Variants in RIF1 observed in about 807,000 individuals in gnomAD.
RIF1 encodes the protein replication timing regulatory factor 1.
A neutral mutation model predicts 247.1 loss-of-function variants in RIF1; 45 were observed. That is an observed-to-expected ratio of 0.18 (90% confidence interval 0.14 to 0.23). RIF1 has a LOEUF of 0.23. Ranked by LOEUF, RIF1 falls within the 10% of genes least tolerant of loss-of-function variation. The pLI is 1.00. For synonymous variants in RIF1, 1,087 were observed against 978.8 expected (o/e 1.11, Z -2.06); for missense variants, 2,967 against 2,862.5 (o/e 1.04, Z -0.83).
At chr2:151,528,371 A>G in the RIF1 span, among the ~76,000 whole-genome samples, 1 of 152,212 alleles carries the variant, frequency 6.6e-6, no homozygotes, top group African/African-American at 2.4e-5. Flanking sequence ...TATACTATTT[A>G]ATAAGGTTTT....
the RIF1 span, chr2:151,526,907 T>C: frequency 2.6e-6 from 4 of 1,549,926 alleles, no homozygotes; most frequent in African/African-American, 4.1e-5. Flanking sequence ...TGGAAGGAAC[T>C]AGGTACTTAC....
At chr2:151,495,801 ATTC>A (rs2059793780) in intron 10 of RIF1, among the ~76,000 whole-genome samples, 1 of 152,226 alleles carries the variant, frequency 6.6e-6, no homozygotes, top group Non-Finnish European at 1.5e-5. Context: ...TTATATCATT[ATTC>A]TTGAAGGAGG....
chr2:151,523,258 T>C, the RIF1 span, among the ~76,000 whole-genome samples: 977 of 152,306 alleles, frequency 6.4e-3, 10 homozygotes, highest in Non-Finnish European at 8.4e-3. Context: ...ATATGTTACA[T>C]AGGAATTTTA....
In RIF1 at chr2:151,465,038, G is replaced by A. The variant is rs572149191; in HGVS notation, c.5518G>A (p.Asp1840Asn). Residue 1840 changes from aspartate (D) to asparagine (N), a missense_variant, in exon 30 of 36, where the codon GAT becomes AAT. Physicochemically the swap from Asp to Asn is conservative, Grantham distance 23. This residue lies in a region of RIF1 where 2,028 missense variants were observed against 1,825.6 expected (regional missense o/e 1.11). Transcript: ENST00000444746. ...GIVNFREEIC[D>N]MDSSEAMSLE... Reference sequence around the variant, plus strand: ...AGTAAACTTTAGAGAGGAAATTTGTGATATGGATTCTAGTGAAGCAATGTC... The same window carrying A: ...AGTAAACTTTAGAGAGGAAATTTGTAATATGGATTCTAGTGAAGCAATGTC... 1 of 1,582,260 alleles carries A rather than the reference G, an allele frequency of 6.3e-7. No homozygotes were observed. Among genetic ancestry groups the A allele is most frequent in the Non-Finnish European group, 8.5e-7 (1 of 1,171,490 alleles).
In RIF1 at chr2:151,441,967, G is replaced by T; in HGVS notation, c.1710G>T (p.Gln570His). ...AAGTATTAGGTTCACCAGCATATCA[G>T]GTTGCTAATATGGATATTCTTAATG... The part of the protein sequence containing the change: ...PQKVLGSPAY[Q>H]VANMDILNGT... The change falls in exon 16 of 36, where the codon CAG (glutamine) becomes CAT (histidine). Residue 570 changes from glutamine (Q) to histidine (H), a missense_variant. By Grantham distance (24) the Gln-to-His change is conservative. Transcript: ENST00000444746. 2.6e-6 allele frequency: 4 copies of T among 1,550,852 alleles called. No homozygotes were observed. Among genetic ancestry groups the T allele is most frequent in the African/African-American group, 2.8e-5 (2 of 72,582 alleles).
At chr2:151,473,266 C>G (rs1409612110) in intron 34 of RIF1, among the ~76,000 whole-genome samples, 1 of 149,916 alleles carries the variant, frequency 6.7e-6, no homozygotes. Context: ...TCCATACGTC[C>G]TAGGAACACT....
At chr2:151,502,361 T>C (rs959946793) in intron 11 of RIF1, among the ~76,000 whole-genome samples, 14 of 147,514 alleles carry the variant, frequency 9.5e-5, no homozygotes, top group African/African-American at 3.3e-4. Context: ...CCCAAACTTA[T>C]GGAAAAATAA....
chr2:151,493,319 T>C (rs2058002678), intron 9 of RIF1: 1 of 1,459,834 alleles, frequency 6.9e-7, no homozygotes. Flanking sequence ...TTTTCCAAGT[T>C]GTTGCACTAT....
Position 151,438,678 on chromosome 2 carries a change from T to G in RIF1, c.1484-6T>G, listed in dbSNP as rs761524415. On this transcript the variant is annotated splice_region_variant and splice_polypyrimidine_tract_variant and intron_variant, in intron 13 of 35. Transcript: ENST00000444746. ...TTAAAATACTCAAGTTTATTTTGTT[T>G]GACAGATGTGGTTGTCAGTGCTATC... 1 of 1,606,438 alleles carries G rather than the reference T, an allele frequency of 6.2e-7. No homozygotes were observed. Among genetic ancestry groups the G allele is most frequent in the Admixed American group, 1.7e-5 (1 of 60,012 alleles).
chr2:151,418,165 AAAT>A, intron 6 of RIF1, among the ~76,000 whole-genome samples: 1 of 152,196 alleles, frequency 6.6e-6, no homozygotes, highest in African/African-American at 2.4e-5. Flanking sequence ...AGGCTATACT[AAAT>A]CTATAAAAAC....
the RIF1 span, among the ~76,000 whole-genome samples, chr2:151,521,813 CA>C: frequency 1.3e-5 from 2 of 152,154 alleles, no homozygotes; most frequent in African/African-American, 4.8e-5. Context: ...TAAACAAATG[CA>C]GCTTTTTACA....
rs1696469585 is a variant in RIF1, at chr2:151,463,329, G to A, written c.3809G>A (p.Gly1270Glu). 1.1e-5 allele frequency: 18 copies of A among 1,613,672 alleles called. No homozygotes were observed. The East Asian group carries it at 3.3e-4, about 30-fold the overall frequency. Residue 1270 changes from glycine to glutamate, a missense_variant, in exon 30 of 36, where the codon GGG becomes GAG. Physicochemically the swap from Gly to Glu is moderately conservative, Grantham distance 98. Around this residue, in one of 7 missense-constraint regions of RIF1, gnomAD observed 2,028 missense variants for 1,825.6 expected, o/e 1.11. Coordinates refer to ENST00000444746, the MANE Select transcript of RIF1 (RefSeq NM_018151.5). ...DFLPKAKQRE[G>E]TFSKSDSEKI... is the part of the protein sequence containing the mutation. ...CTACCAAAAGCAAAGCAAAGAGAAG[G>A]GACTTTTTCAAAATCTGATTCTGAA...
Position 151,438,715 on chromosome 2 carries a change from A to T in RIF1, c.1515A>T (p.Leu505=). 6.2e-7 allele frequency: 1 copy of T among 1,613,038 alleles called. No homozygotes were observed. The highest frequency in any genetic ancestry group is 8.5e-7 in the Non-Finnish European group (1 of 1,179,062). ...TTGTCAGTGCTATCTGGAAGGAGCTAATTAGCTTGGTGAAGTCAGTTACTG... is the reference window on the plus strand; with the variant it reads ...TTGTCAGTGCTATCTGGAAGGAGCTTATTAGCTTGGTGAAGTCAGTTACTG... ...DVVVSAIWKE[L]ISLVKSVTES... is the part of the protein sequence containing the mutation. Residue 505 remains leucine, a synonymous_variant, in exon 14 of 36, where the codon CTA becomes CTT. Transcript: ENST00000444746.
chr2:151,464,654 A>G lies in RIF1; in HGVS notation c.5134A>G (p.Thr1712Ala). Reference protein sequence around the residue: ...ISDISSLSEKTFQTLECQHKR... With the variant: ...ISDISSLSEKAFQTLECQHKR... The stretch of plus-strand genomic sequence containing the variant: ...AGATATTTCTTCGCTTTCAGAAAAA[A>G]CTTTTCAAACACTTGAATGCCAACA... The change falls in exon 30 of 36, where the codon ACT becomes GCT. Residue 1712 changes from threonine to alanine, a missense_variant. Around this residue, in one of 7 missense-constraint regions of RIF1, gnomAD observed 2,028 missense variants for 1,825.6 expected, o/e 1.11. Transcript: ENST00000444746. The G allele has an allele frequency of 6.2e-7, 1 of 1,613,294 alleles. No homozygotes were observed. Among genetic ancestry groups the G allele is most frequent in the Non-Finnish European group, 8.5e-7 (1 of 1,179,578 alleles).
In RIF1 at chr2:151,469,785, C is replaced by G; in HGVS notation, c.7016C>G (p.Ser2339Cys). Residue 2339 changes from serine (S) to cysteine (C), a missense_variant, in exon 34 of 36, where the codon TCT becomes TGT. By Grantham distance (112) the Ser-to-Cys change is moderately radical. This residue lies in a region of RIF1 where 151 missense variants were observed against 163.4 expected (regional missense o/e 0.92). Transcript: ENST00000444746. ...TIGDLSTLTA[S>C]EIKTLPIRSP... ...GGTGATTTGAGTACTCTTACAGCAT[C>G]TGAAATAAAAACTCTTCCTATCCGT... The G allele has an allele frequency of 6.2e-7, 1 of 1,611,674 alleles. No homozygotes were observed. The highest frequency in any genetic ancestry group is 8.5e-7 in the Non-Finnish European group (1 of 1,178,322).
At chr2:151,467,674 G>T (rs2444273) in intron 30 of RIF1, among the ~76,000 whole-genome samples, 1 of 152,068 alleles carries the variant, frequency 6.6e-6, no homozygotes, top group African/African-American at 2.4e-5. Context: ...CTTCTTTCTA[G>T]TCTGGTAATC....
chr2:151,487,465 TA>T (rs1369418383), intron 9 of RIF1, among the ~76,000 whole-genome samples: 4 of 152,210 alleles, frequency 2.6e-5, no homozygotes, highest in Non-Finnish European at 5.9e-5. Flanking sequence ...AGTGGAACAT[TA>T]CTATAAATAA....
At chr2:151,509,256 G>C (rs1255678472), downstream of RIF1, among the ~76,000 whole-genome samples, 1 of 152,166 alleles carries the variant, frequency 6.6e-6, no homozygotes, top group Admixed American at 6.5e-5. Flanking sequence ...AGAAACGGTA[G>C]TTCATCATGA....
At position 151,454,988 on chromosome 2, in the gene RIF1, C is replaced by G; in HGVS notation, c.2438C>G (p.Ser813Cys). The change falls in exon 22 of 36, where the codon TCT (serine) becomes TGT (cysteine). Residue 813 changes from serine (S) to cysteine (C), a missense_variant. Physicochemically the swap from Ser to Cys is moderately radical, Grantham distance 112. Around this residue, in one of 7 missense-constraint regions of RIF1, gnomAD observed 2,028 missense variants for 1,825.6 expected, o/e 1.11. Transcript: ENST00000444746. Reference protein sequence around the residue: ...LFKLIVKVIYSFHTLSFKEAH... With the variant: ...LFKLIVKVIYCFHTLSFKEAH... ...AAACTTATTGTGAAAGTGATCTATT[C>G]TTTCCACACACTGAGCTTCAAGGAA... 4 of 1,613,634 alleles carry G rather than the reference C, an allele frequency of 2.5e-6. No homozygotes were observed. Among genetic ancestry groups the G allele is most frequent in the Non-Finnish European group, 3.4e-6 (4 of 1,179,674 alleles).
Sources: gnomAD v4.1 joint callset for allele counts (sites outside exome capture counted in the v4.1 genomes callset) on GRCh38, gnomAD v4.1.1 for gene constraint, gnomAD v4.1.1 regional missense constraint, MANE v1.5 for transcripts, NCBI Gene and HGNC (gene_info 2026-07-23, HGNC 2026-07-21) for gene names.